The following SPESP1 variants were observed in gnomAD, a reference collection of about 807,000 sequenced individuals.
The protein encoded by SPESP1 is equatorial segment protein.
SPESP1 carries 1 observed loss-of-function variant against 3.1 expected under a neutral mutation model. The observed-to-expected ratio is 0.33, with a 90% CI of 0.12 to 1.54. SPESP1 has a LOEUF of 1.54. Among genes scored for constraint, SPESP1 ranks in the 40% most tolerant of loss-of-function variants. The pLI, the probability that SPESP1 is intolerant of heterozygous loss-of-function variation, is 0.38. For missense variants in SPESP1, 398 were observed against 410.1 expected (o/e 0.97, Z 0.26); for synonymous variants, 138 against 150.7 (o/e 0.92, Z 0.62).
In SPESP1 at chr15:68,946,205, A is replaced by G. The variant is rs1300681888; in HGVS notation, c.671A>G (p.Asp224Gly). ...FGKHPESWNN[D>G]DILKKILDIN... is the part of the protein sequence containing the mutation. ...AAGCACCCAGAGAGTTGGAATAATG[A>G]TGACATTTTGAAAAAAATTTTAGAT... Residue 224 changes from aspartate (D) to glycine (G), a missense_variant, in exon 2 of 2, where the codon GAT (aspartate) becomes GGT (glycine). Physicochemically the swap from Asp to Gly is moderately conservative, Grantham distance 94 (BLOSUM62 -1). Coordinates refer to ENST00000310673, the MANE Select transcript of SPESP1 (RefSeq NM_145658.4). 5 of 1,614,046 alleles carry G rather than the reference A, an allele frequency of 3.1e-6. No individual in the cohort carries two copies. The African/African-American group carries it at 4.0e-5, about 13-fold the overall frequency.
Position 68,946,399 on chromosome 15 carries a change from A to G in SPESP1, c.865A>G (p.Thr289Ala). ...GTCCCAGTTATTGCCAGTAGGACGA[A>G]CAAGTAATAAAATTGATGACATCGA... ...YKSQLLPVGRTSNKIDDIETV... is the reference protein window; with the variant it reads ...YKSQLLPVGRASNKIDDIETV... Residue 289 changes from threonine to alanine, a missense_variant, in exon 2 of 2, where the codon ACA (threonine) becomes GCA (alanine). Transcript: ENST00000310673. 6.2e-7 allele frequency: 1 copy of G among 1,614,142 alleles called. No homozygotes were observed. The highest frequency in any genetic ancestry group is 2.2e-5 in the East Asian group (1 of 44,866).
intron 1 of SPESP1, among the ~76,000 whole-genome samples, chr15:68,943,103 G>T (rs927006392): frequency 6.6e-6 from 1 of 151,908 alleles, no homozygotes. Flanking sequence ...GTGTGTATGT[G>T]TGTGTGTTTA....
chr15:68,946,777 A>G lies in SPESP1; in HGVS notation c.*190A>G, dbSNP rs550105054. 1.5e-6 allele frequency: 1 copy of G among 681,046 alleles called. No homozygotes were observed. The highest frequency in any genetic ancestry group is 1.9e-5 in the African/African-American group (1 of 53,740). The allele number at this position is 681,046 out of a possible 1,614,324, so 42.2% of individuals were successfully genotyped here. A position where few individuals can be genotyped will look rare whatever the true frequency, so the allele number is the denominator to read the frequency against. ...GTTATGAACAATTTTCATATGCACT[A>G]AAAACCTAATTTAAAATAAAATTTT... On this transcript the variant is annotated 3_prime_UTR_variant, in exon 2 of 2. Coordinates refer to ENST00000310673, the MANE Select transcript of SPESP1 (RefSeq NM_145658.4).
intron 1 of SPESP1, among the ~76,000 whole-genome samples, chr15:68,932,580 C>G (rs544789680): frequency 1.3e-5 from 2 of 152,038 alleles, no homozygotes; most frequent in African/African-American, 4.8e-5. Flanking sequence ...CTAGTAGAGA[C>G]GGGGTTTCAC....
At position 68,946,232 on chromosome 15, in the gene SPESP1, T is replaced by C. The variant is rs139118882; in HGVS notation, c.698T>C (p.Ile233Thr). ...GACATTTTGAAAAAAATTTTAGATA[T>C]TAATTCACAAGTGCAACAGGCACTT... ...NDDILKKILD[I>T]NSQVQQALLS... Residue 233 changes from isoleucine (I) to threonine (T), a missense_variant, in exon 2 of 2, where the codon ATT (isoleucine) becomes ACT (threonine). Coordinates refer to ENST00000310673, the MANE Select transcript of SPESP1 (RefSeq NM_145658.4). 1 of 1,614,074 alleles carries C rather than the reference T, an allele frequency of 6.2e-7. No individual in the cohort carries two copies. Among genetic ancestry groups the C allele is most frequent in the Non-Finnish European group, 8.5e-7 (1 of 1,180,016 alleles).
intron 1 of SPESP1, among the ~76,000 whole-genome samples, chr15:68,945,336 A>C (rs1386046970): frequency 1.3e-5 from 2 of 152,218 alleles, no homozygotes; most frequent in African/African-American, 2.4e-5. Flanking sequence ...ATATGGGAGA[A>C]TAAAAGCAAA....
In SPESP1 at chr15:68,935,223, G is replaced by A. The variant is rs1455118822; in HGVS notation, c.64+4506G>A. 9.2e-5 allele frequency among the ~76,000 whole-genome samples: 14 copies of A among 152,070 alleles called. 1 individual carries two copies. The highest frequency in any genetic ancestry group is 7.2e-4 in the Admixed American group (11 of 15,266). ...CATCTTGATTTTTAACTCTTTATCC[G>A]CACTAGAATTGTAACATAATTTAAT... On this transcript the variant is annotated intron_variant, in intron 1 of 1. Transcript: ENST00000310673.
In SPESP1 at chr15:68,946,349, A is replaced by G. The variant is rs1427436006; in HGVS notation, c.815A>G (p.Glu272Gly). ...KRSLALAAAA[E>G]HKLKTMYKSQ... ...AGCCTTGCTCTAGCAGCAGCAGCAG[A>G]ACATAAATTAAAAACAATGTATAAG... Residue 272 changes from glutamate (E) to glycine (G), a missense_variant, in exon 2 of 2, where the codon GAA becomes GGA. Physicochemically the swap from Glu to Gly is moderately conservative, Grantham distance 98. Coordinates refer to ENST00000310673, the MANE Select transcript of SPESP1 (RefSeq NM_145658.4). The G allele has an allele frequency of 6.2e-7, 1 of 1,614,074 alleles. No individual in the cohort carries two copies. The highest frequency in any genetic ancestry group is 1.3e-5 in the African/African-American group (1 of 74,938).
rs891199913 is a variant in SPESP1, at chr15:68,937,506, TA to T, written c.64+6799del. Among the ~76,000 whole-genome samples the T allele has an allele frequency of 3.2e-3, 469 of 147,806 alleles. 1 individual carries two copies. Among genetic ancestry groups the T allele is most frequent in the African/African-American group, 0.011 (444 of 40,494 alleles). ...TATTATTTTTTTTCTTTATTTCTTC[TA>T]AAAAAAAAACAGGATCCATGTGTAG... is the stretch of plus-strand genomic sequence containing the variant. On this transcript the variant is annotated intron_variant, in intron 1 of 1. Coordinates refer to ENST00000310673, the MANE Select transcript of SPESP1 (RefSeq NM_145658.4).
At chr15:68,938,521 C>T (rs939041168) in intron 1 of SPESP1, among the ~76,000 whole-genome samples, 2 of 151,674 alleles carry the variant, frequency 1.3e-5, no homozygotes, top group African/African-American at 4.8e-5. Context: ...AAAATTTGGT[C>T]ATATTTAATT....
At position 68,945,661 on chromosome 15, in the gene SPESP1, C is replaced by T; in HGVS notation, c.127C>T (p.Leu43=). 6.2e-7 allele frequency: 1 copy of T among 1,610,276 alleles called. No homozygotes were observed. Among genetic ancestry groups the T allele is most frequent in the Non-Finnish European group, 8.5e-7 (1 of 1,178,982 alleles). The change falls in exon 2 of 2, where the codon CTA becomes TTA. Residue 43 remains leucine (L), a synonymous_variant. Coordinates refer to ENST00000310673, the MANE Select transcript of SPESP1 (RefSeq NM_145658.4). ...LNHYIQVLEN[L]VRSVPSGEPG... is the part of the protein sequence containing the mutation. ...TCATTATATACAAGTTTTAGAGAACCTAGTACGAAGTGTTCCCTCTGGGGA... is the reference window on the plus strand; with the variant it reads ...TCATTATATACAAGTTTTAGAGAACTTAGTACGAAGTGTTCCCTCTGGGGA...
chr15:68,930,797 CCCTT>C (rs763831331), intron 1 of SPESP1, 80 bp downstream of exon 1: 278 of 1,601,540 alleles, frequency 1.7e-4, no homozygotes, highest in Non-Finnish European at 2.3e-4. Flanking sequence ...CGAAGCCTGG[CCCTT>C]CCTTCTCCCT....
rs1415112628 is a variant in SPESP1, at chr15:68,930,960, G to C, written c.64+243G>C. ...CGCCTGCGGGCCGTGGGCGCGGGTG[G>C]AACCCCCTCACCTCACCGGAGGCCT... On this transcript the variant is annotated intron_variant, in intron 1 of 1. Coordinates refer to ENST00000310673, the MANE Select transcript of SPESP1 (RefSeq NM_145658.4). 5.3e-5 allele frequency among the ~76,000 whole-genome samples: 8 copies of C among 152,300 alleles called. No individual in the cohort carries two copies. In the East Asian group the frequency reaches 1.6e-3, roughly 30 times the overall value.
At chr15:68,931,306 G>A (rs893098917) in intron 1 of SPESP1, among the ~76,000 whole-genome samples, 1 of 148,864 alleles carries the variant, frequency 6.7e-6, no homozygotes, top group Non-Finnish European at 1.5e-5. Flanking sequence ...AATATGAAAT[G>A]TACTCTTTCA....
In SPESP1 at chr15:68,945,876, A is replaced by AG; in HGVS notation, c.342_343insG (p.His115AlafsTer27). The AG allele has an allele frequency of 1.2e-6, 2 of 1,614,126 alleles. No individual in the cohort carries two copies. Among genetic ancestry groups the AG allele is most frequent in the Non-Finnish European group, 1.7e-6 (2 of 1,180,028 alleles). On this transcript the variant is annotated frameshift_variant, in exon 2 of 2. Coordinates refer to ENST00000310673, the MANE Select transcript of SPESP1 (RefSeq NM_145658.4). LOFTEE classifies it low-confidence loss of function (END_TRUNC). ...TCACACCGGAAATAGGAAAGAAAAAACACACGGAAAGTACCCCATTCTGGT... is the reference window on the plus strand; with the variant it reads ...TCACACCGGAAATAGGAAAGAAAAAAGCACACGGAAAGTACCCCATTCTGGT...
At chr15:68,936,833 G>T (rs1895694088) in intron 1 of SPESP1, among the ~76,000 whole-genome samples, 1 of 152,134 alleles carries the variant, frequency 6.6e-6, no homozygotes. Context: ...CTTACATTAG[G>T]CTATTTAGTA....
intron 1 of SPESP1, among the ~76,000 whole-genome samples, chr15:68,941,816 T>A (rs1174352745): frequency 2.0e-5 from 3 of 152,194 alleles, no homozygotes; most frequent in African/African-American, 7.2e-5. Context: ...ACTCTTCATA[T>A]TGATTTTGGC....
At chr15:68,938,412 T>C (rs1895736717) in intron 1 of SPESP1, among the ~76,000 whole-genome samples, 1 of 152,240 alleles carries the variant, frequency 6.6e-6, no homozygotes. Flanking sequence ...TTACTTGTAC[T>C]TTGTAGTAAG....
At position 68,946,051 on chromosome 15, in the gene SPESP1, T is replaced by C; in HGVS notation, c.517T>C (p.Tyr173His). The C allele has an allele frequency of 1.2e-6, 2 of 1,614,148 alleles. No homozygotes were observed. The highest frequency in any genetic ancestry group is 2.2e-5 in the East Asian group (1 of 44,886). The change falls in exon 2 of 2, where the codon TAT (tyrosine) becomes CAT (histidine). Residue 173 changes from tyrosine (Y) to histidine (H), a missense_variant. Physicochemically the swap from Tyr to His is moderately conservative, Grantham distance 83. Coordinates refer to ENST00000310673, the MANE Select transcript of SPESP1 (RefSeq NM_145658.4). ...TGTTACTGAATCATCTACAAGTCCA[T>C]ATGTTACCTCATACAAGTCACCTGT... ...PVVTESSTSP[Y>H]VTSYKSPVTT...
Sources: allele counts gnomAD v4.1 joint callset (sites outside exome capture counted in the v4.1 genomes callset), GRCh38; gene constraint gnomAD v4.1.1; transcripts MANE v1.5; gene names NCBI Gene and HGNC (gene_info 2026-07-23, HGNC 2026-07-21).